Variants in SLC36A4 observed in about 807,000 individuals in gnomAD.
SLC36A4 encodes solute carrier family 36 member 4.
In SLC36A4, 49 loss-of-function variants were observed where a neutral mutation model predicts 50.5. That is an observed-to-expected ratio of 0.97 (90% CI 0.77 to 1.23). SLC36A4 has a LOEUF of 1.23. Among genes scored for constraint, SLC36A4 ranks in the 50% most tolerant of loss-of-function variants. The probability of loss-of-function intolerance (pLI) is 0.00; values close to 1 mark genes in which losing one functional copy is unlikely to be tolerated. For synonymous variants in SLC36A4, 207 were observed against 206.5 expected (o/e 1.00, Z -0.02); for missense variants, 611 against 608.4 (o/e 1.00, Z -0.05).
Position 93,154,225 on chromosome 11 carries a change from AAT to A in SLC36A4, c.1088_1089del (p.Tyr363PhefsTer22). ...ILYSFGIFVT[Y>X]SIQFYVPAEI... ...TCTGCTGGAACATAGAACTGAATTG[AAT>A]ATGTCACAAAAATGCCAAAGGAATA... On this transcript the variant is annotated frameshift_variant, in exon 10 of 11. Transcript: ENST00000326402. LOFTEE classifies it high-confidence loss of function. 3 of 1,516,718 alleles carry A rather than the reference AAT, an allele frequency of 2.0e-6. No individual in the cohort carries two copies. Among genetic ancestry groups the A allele is most frequent in the Non-Finnish European group, 2.7e-6 (3 of 1,131,260 alleles). 94.0% of individuals were successfully genotyped at this position (1,516,718 alleles called of 1,614,324 possible).
At chr11:93,167,823 C>A in intron 7 of SLC36A4, 121 bp downstream of exon 7, 1 of 634,714 alleles carries the variant, frequency 1.6e-6, no homozygotes, top group East Asian at 2.8e-5. Context: ...TTACTGATTG[C>A]ACACTGTGTG....
At chr11:93,171,675 C>G (rs1306714791) in intron 6 of SLC36A4, 2 of 152,006 alleles carry the variant, frequency 1.3e-5, no homozygotes, top group Non-Finnish European at 2.9e-5. Flanking sequence ...AGATACAGTA[C>G]TACCATGTTA....
intron 5 of SLC36A4, 144 bp downstream of exon 5, chr11:93,181,546 GA>G (rs1460265702): frequency 2.0e-6 from 1 of 512,490 alleles, no homozygotes; most frequent in Non-Finnish European, 3.0e-6. Flanking sequence ...GTTGAGATTA[GA>G]ATCTAAGTCT....
intron 1 of SLC36A4, among the ~76,000 whole-genome samples, chr11:93,190,391 CA>C (rs901337848): frequency 1.3e-5 from 2 of 151,792 alleles, no homozygotes; most frequent in African/African-American, 4.8e-5. Flanking sequence ...CCAACACACA[CA>C]AAAAAAGGAT....
chr11:93,158,095 TAAC>T (rs772865996), intron 9 of SLC36A4, among the ~76,000 whole-genome samples: 1 of 152,208 alleles, frequency 6.6e-6, no homozygotes, highest in Admixed American at 6.6e-5. Flanking sequence ...TCCTTAGAGC[TAAC>T]AACATTTAAA....
intron 1 of SLC36A4, among the ~76,000 whole-genome samples, chr11:93,194,673 T>G (rs1419027716): frequency 2.0e-5 from 3 of 152,150 alleles, no homozygotes; most frequent in Non-Finnish European, 4.4e-5. Context: ...TACCCACAAA[T>G]TACTACTGTT....
Position 93,168,031 on chromosome 11 carries a change from A to G in SLC36A4, c.681T>C (p.Arg227=). 2 of 1,612,490 alleles carry G rather than the reference A, an allele frequency of 1.2e-6. No homozygotes were observed. Among genetic ancestry groups the G allele is most frequent in the Non-Finnish European group, 1.7e-6 (2 of 1,178,954 alleles). ...AAAGTACAAATAGATTCTTTAGTTC[A>G]CGAATGAAGACCAAAAGAATTATAA... is the stretch of plus-strand genomic sequence containing the variant. The part of the protein sequence containing the change: ...LPFIILLVFI[R]ELKNLFVLSF... Residue 227 remains arginine, a synonymous_variant, in exon 7 of 11, where the codon CGT becomes CGC. Transcript: ENST00000326402.
intron 10 of SLC36A4, among the ~76,000 whole-genome samples, chr11:93,150,215 C>A (rs897000239): frequency 1.7e-4 from 26 of 152,004 alleles, no homozygotes; most frequent in African/African-American, 5.8e-4. Flanking sequence ...ACAAGTACAT[C>A]ACCACTGCCA....
rs1022955052 is a variant in SLC36A4 at position 93,181,207 on chromosome 11, G to A, written c.456-326C>T. ...ATTCATCTTACTTTGATTTGCCAGAGCCACCAATAATAAAGTTACATTTAA... is the reference window on the plus strand; with the variant it reads ...ATTCATCTTACTTTGATTTGCCAGAACCACCAATAATAAAGTTACATTTAA... On this transcript the variant is annotated intron_variant, in intron 5 of 10. Coordinates refer to ENST00000326402, the MANE Select transcript of SLC36A4 (RefSeq NM_152313.4). 2.0e-5 allele frequency among the ~76,000 whole-genome samples: 3 copies of A among 151,876 alleles called. No homozygotes were observed. In the South Asian group the frequency reaches 6.2e-4, roughly 32 times the overall value.
chr11:93,156,436 T>C (rs1052938060), intron 9 of SLC36A4, among the ~76,000 whole-genome samples: 2 of 151,946 alleles, frequency 1.3e-5, no homozygotes, highest in African/African-American at 2.4e-5. Flanking sequence ...TTCTTTTTTT[T>C]TGGGGTGGAG....
intron 6 of SLC36A4, chr11:93,171,739 G>C (rs1258362856): frequency 6.6e-6 from 1 of 152,042 alleles, no homozygotes; most frequent in Non-Finnish European, 1.5e-5. Flanking sequence ...TAACTGGTAA[G>C]ATGGTATGTC....
In SLC36A4 at chr11:93,148,324, A is replaced by G. The variant is rs1859923915; in HGVS notation, c.*213T>C. 2.7e-6 allele frequency: 1 copy of G among 373,910 alleles called. No homozygotes were observed. The highest frequency in any genetic ancestry group is 2.1e-5 in the African/African-American group (1 of 46,982). 23.2% of individuals were successfully genotyped at this position (373,910 alleles called of 1,614,324 possible). ...TAATTTTTTCAATTTTCAGAACTTA[A>G]TTTTTTGAACTATTGCTAACACTTA... On this transcript the variant is annotated 3_prime_UTR_variant, in exon 11 of 11. Transcript: ENST00000326402.
chr11:93,154,214 G>T lies in SLC36A4; in HGVS notation c.1101C>A (p.Phe367Leu). ...FGIFVTYSIQ[F>L]YVPAEIIIPG... ...GGATAATGATCTCTGCTGGAACATA[G>T]AACTGAATTGAATATGTCACAAAAA... The change falls in exon 10 of 11, where the codon TTC becomes TTA. Residue 367 changes from phenylalanine (F) to leucine (L), a missense_variant. Physicochemically the swap from Phe to Leu is conservative, Grantham distance 22 (BLOSUM62 0). Transcript: ENST00000326402. 1 of 1,546,930 alleles carries T rather than the reference G, an allele frequency of 6.5e-7. No homozygotes were observed. Among genetic ancestry groups the T allele is most frequent in the Non-Finnish European group, 8.7e-7 (1 of 1,148,528 alleles).
rs1022713669 is a variant in SLC36A4 at position 93,197,973 on chromosome 11, C to A, written c.-141G>T. On this transcript the variant is annotated 5_prime_UTR_variant, in exon 1 of 11. Coordinates refer to ENST00000326402, the MANE Select transcript of SLC36A4 (RefSeq NM_152313.4). The stretch of plus-strand genomic sequence containing the variant: ...CCTCCCTGCCCCGGCGCTCCCCAAC[C>A]GCGCGGCGAGGAGCATGCGCAGTGG... 1.1e-6 allele frequency: 1 copy of A among 889,742 alleles called. No individual in the cohort carries two copies. Among genetic ancestry groups the A allele is most frequent in the Non-Finnish European group, 1.6e-6 (1 of 641,432 alleles). 55.1% of individuals were successfully genotyped at this position (889,742 alleles called of 1,614,324 possible). A position where few individuals can be genotyped will look rare whatever the true frequency, so the allele number is the denominator to read the frequency against.
At chr11:93,174,289 A>G (rs1371597772) in intron 6 of SLC36A4, among the ~76,000 whole-genome samples, 1 of 147,682 alleles carries the variant, frequency 6.8e-6, no homozygotes, top group Admixed American at 6.8e-5. Flanking sequence ...ATTTTTGTAC[A>G]TTGATTTTGT....
intron 1 of SLC36A4, among the ~76,000 whole-genome samples, chr11:93,194,854 C>T (rs979491692): frequency 1.3e-5 from 2 of 152,184 alleles, no homozygotes; most frequent in African/African-American, 4.8e-5. Flanking sequence ...CAATTGCCTA[C>T]TTGACATGTG....
intron 6 of SLC36A4, among the ~76,000 whole-genome samples, chr11:93,169,724 C>T (rs1409938569): frequency 1.3e-5 from 2 of 151,970 alleles, no homozygotes; most frequent in South Asian, 2.1e-4. Context: ...TTGTAACTGA[C>T]CATCAAAACT....
At chr11:93,149,482 A>C (rs11020180) in intron 10 of SLC36A4, among the ~76,000 whole-genome samples, 26,845 of 152,046 alleles carry the variant, frequency 0.18, 2,836 homozygotes, top group East Asian at 0.41. Context: ...TTAGCCAAGT[A>C]AACAAAATTA....
chr11:93,197,690 G>T (rs894145579), intron 1 of SLC36A4, 88 bp downstream of exon 1: 1 of 1,411,608 alleles, frequency 7.1e-7, no homozygotes, highest in South Asian at 1.2e-5. Flanking sequence ...GGCCAAGCGC[G>T]GGGCCCCTGG....
Sources: gnomAD v4.1 joint callset for allele counts (sites outside exome capture counted in the v4.1 genomes callset) on GRCh38, gnomAD v4.1.1 for gene constraint, MANE v1.5 for transcripts, NCBI Gene and HGNC (gene_info 2026-07-23, HGNC 2026-07-21) for gene names.